RHPN2: variants seen among roughly 807,000 people sequenced by gnomAD.
RHPN2 encodes the protein rhophilin-2.
In RHPN2, 40 loss-of-function variants were observed where a neutral mutation model predicts 79.0. The ratio of observed to expected loss-of-function variants is 0.51; its 90% CI spans 0.39 to 0.66. The LOEUF is 0.66. RHPN2 is among the 30% of genes least tolerant of loss of function. RHPN2 has a pLI of 0.00. For synonymous variants in RHPN2, 285 were observed against 363.5 expected, an observed-to-expected ratio of 0.78 and a Z score of 2.46; for missense variants, 686 against 883.5, an observed-to-expected ratio of 0.78 and a Z score of 2.83.
chr19:33,047,491 G>C (rs998013696), intron 1 of RHPN2, among the ~76,000 whole-genome samples: 1 of 152,100 alleles, frequency 6.6e-6, no homozygotes, highest in African/African-American at 2.4e-5. Context: ...CCTGGGATAC[G>C]CCCACATTCC....
chr19:33,010,044 G>A (rs8112624), intron 6 of RHPN2, among the ~76,000 whole-genome samples: 35,760 of 151,998 alleles, frequency 0.24, 4,312 homozygotes, highest in East Asian at 0.37. Flanking sequence ...CTCCCAAAAT[G>A]CTAGGATTAC....
chr19:33,057,557 G>A (rs896702266), intron 1 of RHPN2, among the ~76,000 whole-genome samples: 14 of 151,636 alleles, frequency 9.2e-5, no homozygotes, highest in African/African-American at 3.4e-4. Context: ...GCACATGCCT[G>A]TAATCCCAGC....
chr19:33,056,097 CT>C (rs59904014), intron 1 of RHPN2, among the ~76,000 whole-genome samples: 6 of 142,636 alleles, frequency 4.2e-5, no homozygotes, highest in Non-Finnish European at 6.1e-5. Context: ...CTTTTCTTTT[CT>C]TTTTTTTTTC....
chr19:33,049,502 C>A (rs1423638941), intron 1 of RHPN2, among the ~76,000 whole-genome samples: 5 of 152,156 alleles, frequency 3.3e-5, no homozygotes, highest in Non-Finnish European at 5.9e-5. Context: ...ACCTCTCACA[C>A]CTGTGGGGCC....
At chr19:33,027,175 G>A (rs1366646926) in intron 2 of RHPN2, 7 of 177,250 alleles carry the variant, frequency 3.9e-5, no homozygotes, top group Admixed American at 2.7e-4. Flanking sequence ...CTTGAACCTG[G>A]GAGATAGGGG....
intron 1 of RHPN2, among the ~76,000 whole-genome samples, chr19:33,060,487 A>C (rs1972270507): frequency 6.6e-6 from 1 of 152,126 alleles, no homozygotes; most frequent in Non-Finnish European, 1.5e-5. Flanking sequence ...AAGCTGGTGG[A>C]AAGAATGGGT....
chr19:33,063,936 C>T (rs1399120185), intron 1 of RHPN2, among the ~76,000 whole-genome samples: 1 of 152,192 alleles, frequency 6.6e-6, no homozygotes, highest in Non-Finnish European at 1.5e-5. Flanking sequence ...TCACGCCCTC[C>T]TGGACGACCC....
At chr19:32,988,267 T>C (rs1370872533) in intron 14 of RHPN2, among the ~76,000 whole-genome samples, 1 of 148,760 alleles carries the variant, frequency 6.7e-6, no homozygotes, top group African/African-American at 2.5e-5. Flanking sequence ...AAATTAAAGG[T>C]AGAAAAATAA....
At position 33,010,737 on chromosome 19, in the gene RHPN2, G is replaced by A. The variant is rs141410847; in HGVS notation, c.593+942C>T. ...ACTCCTATCATCCAGGCTGGAGTAC[G>A]GTGGTGTGATCTCGGTTCACTGCAA... On this transcript the variant is annotated intron_variant, in intron 6 of 14. Transcript: ENST00000254260. Among the ~76,000 whole-genome samples, 219 of 148,948 alleles carry A rather than the reference G, an allele frequency of 1.5e-3. 1 individual carries two copies. The highest frequency in any genetic ancestry group is 5.1e-3 in the African/African-American group (208 of 40,460).
chr19:33,034,492 A>G (rs920676591), intron 2 of RHPN2, among the ~76,000 whole-genome samples: 2 of 151,382 alleles, frequency 1.3e-5, no homozygotes, highest in Admixed American at 6.6e-5. Context: ...TATAGTCCCA[A>G]CTACTCGGGA....
At chr19:32,991,254 G>A (rs1231917065) in intron 13 of RHPN2, 5 of 184,674 alleles carry the variant, frequency 2.7e-5, no homozygotes, top group South Asian at 1.1e-4. Flanking sequence ...TCAGGAGATC[G>A]AAACCATCCT....
In RHPN2 at chr19:33,051,043, G is replaced by A. The variant is rs2145268332; in HGVS notation, c.70-6679C>T. ...GTCTCACTCTGTCACCCAAGCTGGA[G>A]TGCAGTGGCATGATCTCAACTCACT... On this transcript the variant is annotated intron_variant, in intron 1 of 14. Transcript: ENST00000254260. 1.3e-5 allele frequency among the ~76,000 whole-genome samples: 2 copies of A among 152,110 alleles called. 1 individual carries two copies. The highest frequency in any genetic ancestry group is 2.9e-5 in the Non-Finnish European group (2 of 67,998).
intron 3 of RHPN2, among the ~76,000 whole-genome samples, chr19:33,021,912 C>G (rs1971927417): frequency 6.6e-6 from 1 of 152,010 alleles, no homozygotes; most frequent in Non-Finnish European, 1.5e-5. Flanking sequence ...ATTTATCTTC[C>G]AGTTTCAATG....
At chr19:33,059,653 T>C (rs886817245) in intron 1 of RHPN2, among the ~76,000 whole-genome samples, 1 of 151,988 alleles carries the variant, frequency 6.6e-6, no homozygotes, top group African/African-American at 2.4e-5. Context: ...AAAGCTGCCT[T>C]CTCTCTTCTC....
intron 2 of RHPN2, among the ~76,000 whole-genome samples, chr19:33,034,926 C>T (rs997750186): frequency 6.6e-6 from 1 of 152,034 alleles, no homozygotes; most frequent in Non-Finnish European, 1.5e-5. Flanking sequence ...TAGTGAGACC[C>T]TGTCTCTAAA....
intron 1 of RHPN2, 123 bp from the exon 2 acceptor site, chr19:33,044,487 A>G (rs184178789): frequency 2.8e-4 from 207 of 744,534 alleles, no homozygotes; most frequent in Non-Finnish European, 4.3e-4. Flanking sequence ...GCATCTACAT[A>G]GAAAATATTG....
intron 1 of RHPN2, among the ~76,000 whole-genome samples, chr19:33,045,663 AG>A (rs1972136786): frequency 6.6e-6 from 1 of 152,042 alleles, no homozygotes; most frequent in South Asian, 2.1e-4. Flanking sequence ...TAGTAGAGAC[AG>A]GGTTTCGCCA....
chr19:33,049,671 AGC>A (rs1972171523), intron 1 of RHPN2, among the ~76,000 whole-genome samples: 1 of 152,170 alleles, frequency 6.6e-6, no homozygotes, highest in African/African-American at 2.4e-5. Flanking sequence ...ACCCAAGAAA[AGC>A]AAGTACTGAG....
rs1227140823 is a variant in RHPN2, at chr19:33,007,952, G to A, written c.760+62C>T. ...GACCTGTAGATTCTCTTCAGTGGGGGGTCCCCTGGTGCCACCGGGTGGGGC... is the reference window on the plus strand; with the variant it reads ...GACCTGTAGATTCTCTTCAGTGGGGAGTCCCCTGGTGCCACCGGGTGGGGC... On this transcript the variant is annotated intron_variant, in intron 7 of 14. Transcript: ENST00000254260. 4 of 1,578,586 alleles carry A rather than the reference G, an allele frequency of 2.5e-6. No homozygotes were observed. In the African/African-American group the frequency reaches 4.0e-5, roughly 16 times the overall value.
Sources: allele counts gnomAD v4.1 joint callset (sites outside exome capture counted in the v4.1 genomes callset), GRCh38; gene constraint gnomAD v4.1.1; transcripts MANE v1.5; gene names NCBI Gene and HGNC (gene_info 2026-07-23, HGNC 2026-07-21).